CACNG2: variants seen among roughly 807,000 people sequenced by gnomAD.
CACNG2 encodes the protein voltage-dependent calcium channel gamma-2 subunit.
Under a neutral mutation model 25.9 loss-of-function variants are expected in CACNG2, and 3 were observed. The observed-to-expected ratio is 0.12, with a 90% CI of 0.05 to 0.30. CACNG2 has a LOEUF of 0.30. Ranked by LOEUF, CACNG2 falls within the 10% of genes least tolerant of loss-of-function variation. The probability of loss-of-function intolerance (pLI) is 1.00; values close to 1 mark genes in which losing one functional copy is unlikely to be tolerated. For missense variants in CACNG2, 341 were observed against 432.5 expected (o/e 0.79, Z 1.88); for synonymous variants, 167 against 173.3 (o/e 0.96, Z 0.29).
At chr22:36,594,149 C>T (rs542202226) in intron 1 of CACNG2, among the ~76,000 whole-genome samples, 6 of 152,280 alleles carry the variant, frequency 3.9e-5, no homozygotes, top group African/African-American at 1.4e-4. Context: ...CTCTGACTTT[C>T]CTCCCAACTA....
chr22:36,681,750 C>T (rs1937127490), intron 1 of CACNG2, among the ~76,000 whole-genome samples: 1 of 152,192 alleles, frequency 6.6e-6, no homozygotes, highest in African/African-American at 2.4e-5. Flanking sequence ...CACTTGACTT[C>T]TTTTGGCTTC....
At chr22:36,658,351 G>A (rs983150808) in intron 1 of CACNG2, among the ~76,000 whole-genome samples, 2 of 152,176 alleles carry the variant, frequency 1.3e-5, no homozygotes, top group African/African-American at 2.4e-5. Context: ...TCCTCCTCTC[G>A]CCAATAAGGG....
intron 1 of CACNG2, among the ~76,000 whole-genome samples, chr22:36,616,063 C>T (rs1263041890): frequency 1.3e-5 from 2 of 152,106 alleles, no homozygotes; most frequent in Non-Finnish European, 2.9e-5. Context: ...AACTCAGAAA[C>T]TTATGTCATC....
At chr22:36,635,478 C>T (rs1936342633) in intron 1 of CACNG2, among the ~76,000 whole-genome samples, 1 of 152,070 alleles carries the variant, frequency 6.6e-6, no homozygotes, top group Non-Finnish European at 1.5e-5. Context: ...TACTGGGCCA[C>T]TTACCATGTC....
chr22:36,685,752 G>A (rs150198541), intron 1 of CACNG2, among the ~76,000 whole-genome samples: 2,104 of 152,354 alleles, frequency 0.014, 20 homozygotes, highest in Middle Eastern at 0.031. Context: ...CCCTAGGAGC[G>A]GCTGATTCCA....
rs370280409 is a variant in CACNG2 at position 36,627,279 on chromosome 22, C to A, written c.212-39731G>T. Among the ~76,000 whole-genome samples the A allele has an allele frequency of 2.1e-3, 272 of 131,232 alleles. 2 individuals are homozygous for A. The highest frequency in any genetic ancestry group is 7.6e-3 in the African/African-American group (265 of 34,992). The allele number at this position is 131,232 out of a possible 152,430, so 86.1% of individuals were successfully genotyped here. A position where few individuals can be genotyped will look rare whatever the true frequency, so the allele number is the denominator to read the frequency against. On this transcript the variant is annotated intron_variant, in intron 1 of 3. Coordinates refer to ENST00000300105, the MANE Select transcript of CACNG2 (RefSeq NM_006078.5). ...AGTGGGAAGTGGATGAGAGTGGGGA[C>A]GTGTGTGTGTGTGTGTGTGTGTGTG...
intron 2 of CACNG2, among the ~76,000 whole-genome samples, chr22:36,582,445 G>A (rs1425074294): frequency 2.3e-5 from 3 of 133,198 alleles, no homozygotes; most frequent in African/African-American, 5.6e-5. Flanking sequence ...TGCTCTTGTT[G>A]TCCAGGCTGG....
At chr22:36,636,192 A>G (rs1936354741) in intron 1 of CACNG2, among the ~76,000 whole-genome samples, 1 of 151,982 alleles carries the variant, frequency 6.6e-6, no homozygotes, top group Non-Finnish European at 1.5e-5. Context: ...CTCTCTCTCC[A>G]TCTTCATCCC....
At chr22:36,619,424 A>G (rs189978397) in intron 1 of CACNG2, among the ~76,000 whole-genome samples, 1 of 152,252 alleles carries the variant, frequency 6.6e-6, no homozygotes, top group Non-Finnish European at 1.5e-5. Context: ...TACTAATAAA[A>G]GTCAAATGAA....
chr22:36,655,378 C>T (rs946651305), intron 1 of CACNG2, among the ~76,000 whole-genome samples: 6 of 152,184 alleles, frequency 3.9e-5, no homozygotes, highest in Non-Finnish European at 8.8e-5. Context: ...AGCCTTTACT[C>T]CTCTAGCAAT....
At chr22:36,689,106 C>T (rs1937237965) in intron 1 of CACNG2, among the ~76,000 whole-genome samples, 1 of 152,158 alleles carries the variant, frequency 6.6e-6, no homozygotes, top group African/African-American at 2.4e-5. Flanking sequence ...AATAAAGTTG[C>T]TCTCTTTTCT....
chr22:36,604,012 T>TA (rs987900823), intron 1 of CACNG2, among the ~76,000 whole-genome samples: 22 of 152,054 alleles, frequency 1.4e-4, no homozygotes, highest in East Asian at 3.9e-4. Context: ...GCAAAGTAAA[T>TA]AAAAAAATCT....
In CACNG2 at chr22:36,639,103, G is replaced by C. The variant is rs7289090; in HGVS notation, c.212-51555C>G. 4.6e-5 allele frequency among the ~76,000 whole-genome samples: 7 copies of C among 152,224 alleles called. No individual in the cohort carries two copies. The South Asian group carries it at 1.4e-3, about 32-fold the overall frequency. On this transcript the variant is annotated intron_variant, in intron 1 of 3. Transcript: ENST00000300105. The stretch of plus-strand genomic sequence containing the variant: ...TGAGGCAGGTGTTCCAGGTTGGATC[G>C]TGGATCCTCCAGTTACTCGTCTGTG...
chr22:36,654,750 A>T (rs1936678384), intron 1 of CACNG2, among the ~76,000 whole-genome samples: 1 of 152,210 alleles, frequency 6.6e-6, no homozygotes, highest in Non-Finnish European at 1.5e-5. Flanking sequence ...AGATATCTTC[A>T]TCTACAAGAG....
chr22:36,592,205 T>A (rs5756249), intron 1 of CACNG2, among the ~76,000 whole-genome samples: 135,193 of 145,346 alleles, frequency 0.93, 62,920 homozygotes, highest in South Asian at 0.98. Flanking sequence ...GGAAATGAGG[T>A]CCTGAAGGGC....
At chr22:36,683,336 A>G (rs1045752611) in intron 1 of CACNG2, among the ~76,000 whole-genome samples, 4 of 152,238 alleles carry the variant, frequency 2.6e-5, no homozygotes, top group African/African-American at 4.8e-5. Context: ...CTTCAGGATT[A>G]GCCTTTGCTT....
intron 1 of CACNG2, among the ~76,000 whole-genome samples, chr22:36,637,107 A>G (rs1372813753): frequency 6.6e-6 from 1 of 152,110 alleles, no homozygotes; most frequent in Admixed American, 6.5e-5. Flanking sequence ...CCCATGTTGC[A>G]CCTCCTGGCT....
intron 1 of CACNG2, among the ~76,000 whole-genome samples, chr22:36,654,135 T>C (rs1200276841): frequency 6.6e-6 from 1 of 152,088 alleles, no homozygotes; most frequent in Admixed American, 6.6e-5. Flanking sequence ...CTGCCTCAAA[T>C]AAATTATATT....
intron 1 of CACNG2, among the ~76,000 whole-genome samples, chr22:36,657,006 A>G (rs892170142): frequency 2.0e-5 from 3 of 152,180 alleles, no homozygotes; most frequent in Non-Finnish European, 4.4e-5. Flanking sequence ...TGCTCTGTCC[A>G]TGATTGGATC....
Sources: gnomAD v4.1 joint callset for allele counts (sites outside exome capture counted in the v4.1 genomes callset) on GRCh38, gnomAD v4.1.1 for gene constraint, MANE v1.5 for transcripts, NCBI Gene and HGNC (gene_info 2026-07-23, HGNC 2026-07-21) for gene names.